Variants in CFAP77 observed in about 807,000 individuals in gnomAD.
CFAP77 encodes cilia- and flagella-associated protein 77.
CFAP77 carries 25 observed loss-of-function variants against 31.1 expected under a neutral mutation model. The ratio of observed to expected loss-of-function variants is 0.80; its 90% CI spans 0.59 to 1.12. CFAP77 has a LOEUF of 1.12. Among genes scored for constraint, CFAP77 ranks in the 50% most tolerant of loss-of-function variants. The pLI, the probability that CFAP77 is intolerant of heterozygous loss-of-function variation, is 0.00. For synonymous variants in CFAP77, 151 were observed against 159.9 expected (o/e 0.94, Z 0.42); for missense variants, 377 against 397.3 (o/e 0.95, Z 0.44).
intron 3 of CFAP77, among the ~76,000 whole-genome samples, chr9:132,512,358 T>C (rs1852055105): frequency 6.6e-6 from 1 of 152,202 alleles, no homozygotes; most frequent in African/African-American, 2.4e-5. Context: ...ATCTTTAATG[T>C]AATTACATCT....
At chr9:132,503,433 G>T (rs1277701844) in intron 3 of CFAP77, among the ~76,000 whole-genome samples, 1 of 152,132 alleles carries the variant, frequency 6.6e-6, no homozygotes, top group Non-Finnish European at 1.5e-5. Flanking sequence ...AGTTGGCCTG[G>T]GATGCTAGTT....
chr9:132,485,037 C>T (rs1851516895), intron 1 of CFAP77, among the ~76,000 whole-genome samples: 1 of 152,036 alleles, frequency 6.6e-6, no homozygotes, highest in South Asian at 2.1e-4. Context: ...TTAGTAGAGA[C>T]AGGGTTTCAC....
intron 1 of CFAP77, among the ~76,000 whole-genome samples, chr9:132,485,068 C>T (rs1012607196): frequency 5.9e-5 from 9 of 152,042 alleles, no homozygotes; most frequent in African/African-American, 1.2e-4. Flanking sequence ...GGGCTAGTCT[C>T]GAACTGAGAG....
In CFAP77 at chr9:132,433,550, A is replaced by AT. The variant is rs34728456; in HGVS notation, c.195+23099dup. Among the ~76,000 whole-genome samples the AT allele has an allele frequency of 4.2e-3, 592 of 142,306 alleles. 1 individual carries two copies. Among genetic ancestry groups the AT allele is most frequent in the Middle Eastern group, 0.021 (6 of 280 alleles). The allele number at this position is 142,306 out of a possible 152,430, so 93.4% of individuals were successfully genotyped here. ...CCTCTCCTCACGTGGCTATTCATTC[A>AT]TTTTTTTTTTTTTTTGAGTCAGAGT... On this transcript the variant is annotated intron_variant, in intron 1 of 5. Transcript: ENST00000393216.
intron 1 of CFAP77, among the ~76,000 whole-genome samples, chr9:132,487,762 T>C (rs1372432786): frequency 1.3e-5 from 2 of 150,952 alleles, no homozygotes; most frequent in Non-Finnish European, 2.9e-5. Flanking sequence ...ACTCACACAA[T>C]GCACAGGGTT....
At chr9:132,484,421 A>G (rs1167625203) in intron 1 of CFAP77, among the ~76,000 whole-genome samples, 2 of 152,204 alleles carry the variant, frequency 1.3e-5, no homozygotes, top group Admixed American at 1.3e-4. Flanking sequence ...AGCTGCAGGC[A>G]ACCACCAATC....
chr9:132,499,500 C>A lies in CFAP77; in HGVS notation c.424C>A (p.Arg142Ser). 6.2e-7 allele frequency: 1 copy of A among 1,614,194 alleles called. No individual in the cohort carries two copies. Among genetic ancestry groups the A allele is most frequent in the African/African-American group, 1.3e-5 (1 of 75,050 alleles). The change falls in exon 3 of 6, where the codon CGT becomes AGT. Residue 142 changes from arginine (R) to serine (S), a missense_variant. Transcript: ENST00000393216. This position sits in a 1 kb window ranked among gnomAD's most constrained non-coding sequence, Gnocchi z 5.4. ...GACTGCCCGGGAGAACTTGCTCTAC[C>A]GTCAGCTCAATGACATCCGCATCAG... ...LVTARENLLYRQLNDIRISDQ... is the reference protein window; with the variant it reads ...LVTARENLLYSQLNDIRISDQ...
At chr9:132,491,627 C>T (rs951771256) in intron 1 of CFAP77, among the ~76,000 whole-genome samples, 1 of 152,200 alleles carries the variant, frequency 6.6e-6, no homozygotes, top group Non-Finnish European at 1.5e-5. Flanking sequence ...AACATTTATT[C>T]CTTGATTTAA....
At chr9:132,482,256 C>T in intron 1 of CFAP77, 1 of 1,268,616 alleles carries the variant, frequency 7.9e-7, no homozygotes, top group South Asian at 1.3e-5. Flanking sequence ...TGGCTGTGAC[C>T]CTTGACAGCT....
intron 1 of CFAP77, among the ~76,000 whole-genome samples, chr9:132,469,838 A>ATTTTTTTTTTTTTT (rs763910119): frequency 7.8e-6 from 1 of 128,842 alleles, no homozygotes; most frequent in African/African-American, 3.2e-5. Flanking sequence ...TTGCTCCGTG[A>ATTTTTTTTTTTTTT]TTTTTTTTTT....
chr9:132,515,350 G>C (rs1232948126), intron 3 of CFAP77, among the ~76,000 whole-genome samples: 2 of 152,138 alleles, frequency 1.3e-5, no homozygotes, highest in African/African-American at 4.8e-5. Context: ...TGGACCTGAG[G>C]GCTGACACCT....
At chr9:132,561,601 A>ATG (rs1375637040) in intron 5 of CFAP77, among the ~76,000 whole-genome samples, 1 of 129,664 alleles carries the variant, frequency 7.7e-6, no homozygotes, top group East Asian at 2.6e-4. Context: ...ATTGAGGTGC[A>ATG]TGTACACACA....
intron 3 of CFAP77, among the ~76,000 whole-genome samples, chr9:132,519,385 TGGATGGATGGGTGGGC>T (rs1852208645): frequency 9.8e-6 from 1 of 102,438 alleles, no homozygotes; most frequent in African/African-American, 3.8e-5. Flanking sequence ...GATGGATAGG[TGGATGGATGGGTGGGC>T]GGGTGGGTAG....
At chr9:132,507,761 C>G (rs753383432) in intron 3 of CFAP77, among the ~76,000 whole-genome samples, 20 of 152,168 alleles carry the variant, frequency 1.3e-4, no homozygotes, top group Non-Finnish European at 2.5e-4. Context: ...AGATCCGAGG[C>G]AGTTTCTGAA....
At chr9:132,505,225 C>T (rs1851913051) in intron 3 of CFAP77, among the ~76,000 whole-genome samples, 1 of 152,186 alleles carries the variant, frequency 6.6e-6, no homozygotes, top group Admixed American at 6.5e-5. Flanking sequence ...TCTAGATTTG[C>T]AGTGGGCAAA....
chr9:132,485,705 C>G (rs968270959), intron 1 of CFAP77, among the ~76,000 whole-genome samples: 1 of 152,024 alleles, frequency 6.6e-6, no homozygotes. Flanking sequence ...AAGTACGACG[C>G]CAAGTGATTG....
intron 1 of CFAP77, among the ~76,000 whole-genome samples, chr9:132,412,545 C>G (rs1350282780): frequency 3.3e-5 from 5 of 151,874 alleles, no homozygotes; most frequent in African/African-American, 4.8e-5. Flanking sequence ...TTTTCTGGAC[C>G]CTTTTTGCAA....
Position 132,462,847 on chromosome 9 carries a change from G to T in CFAP77, c.196-35848G>T, listed in dbSNP as rs1037013210. 3.3e-5 allele frequency among the ~76,000 whole-genome samples: 5 copies of T among 152,166 alleles called. No homozygotes were observed. The East Asian group carries it at 9.7e-4, about 29-fold the overall frequency. On this transcript the variant is annotated intron_variant, in intron 1 of 5. Coordinates refer to ENST00000393216, the MANE Select transcript of CFAP77 (RefSeq NM_001282957.2). ...AAAAATAAAATAAAATAAAGAACACGTTTGTATATACATGCACTTTGTATG... is the reference window on the plus strand; with the variant it reads ...AAAAATAAAATAAAATAAAGAACACTTTTGTATATACATGCACTTTGTATG...
chr9:132,537,768 C>T, intron 4 of CFAP77, 62 bp downstream of exon 4: 5 of 1,289,686 alleles, frequency 3.9e-6, no homozygotes, highest in Non-Finnish European at 5.6e-6. Context: ...GAAGGGCTGG[C>T]CAGGGCCAAG....
Sources: allele counts gnomAD v4.1 joint callset (sites outside exome capture counted in the v4.1 genomes callset), GRCh38; gene constraint gnomAD v4.1.1; non-coding constraint Gnocchi (gnomAD v3.1); transcripts MANE v1.5; gene names NCBI Gene and HGNC (gene_info 2026-07-23, HGNC 2026-07-21).